The following FARSB variants were observed in gnomAD, a reference collection of about 807,000 sequenced individuals.
FARSB encodes the protein phenylalanyl-tRNA synthetase subunit beta, also known as phenylalanine--tRNA ligase beta subunit.
FARSB carries 40 observed loss-of-function variants against 69.6 expected under a neutral mutation model. The observed-to-expected ratio is 0.57, with a 90% CI of 0.45 to 0.75. The LOEUF is 0.75. Ranked by LOEUF, FARSB falls within the 30% of genes least tolerant of loss-of-function variation. The probability of loss-of-function intolerance (pLI) is 0.00; values close to 1 mark genes in which losing one functional copy is unlikely to be tolerated. For synonymous variants in FARSB, 235 were observed against 247.2 expected (o/e 0.95, Z 0.46); for missense variants, 632 against 722.9 (o/e 0.87, Z 1.44).
chr2:222,619,069 G>A (rs1691071362), intron 14 of FARSB, among the ~76,000 whole-genome samples: 2 of 151,636 alleles, frequency 1.3e-5, no homozygotes, highest in Admixed American at 1.3e-4. Context: ...GTGAACCCGG[G>A]AGGCGGAGCT....
At chr2:222,646,789 C>T (rs112455644) in intron 2 of FARSB, among the ~76,000 whole-genome samples, 1,531 of 152,228 alleles carry the variant, frequency 0.01, 20 homozygotes, top group African/African-American at 0.035. Flanking sequence ...CTTCTTCTGC[C>T]GTATGTTTTA....
intron 16 of FARSB, among the ~76,000 whole-genome samples, chr2:222,573,182 A>C (rs1365552426): frequency 2.0e-5 from 3 of 152,200 alleles, no homozygotes; most frequent in East Asian, 1.9e-4. Flanking sequence ...ACAATTACAT[A>C]TATTTCTTGA....
Position 222,634,547 on chromosome 2 carries a change from T to C in FARSB, c.456-6A>G, listed in dbSNP as rs1691527463. 6 of 1,608,362 alleles carry C rather than the reference T, an allele frequency of 3.7e-6. No individual in the cohort carries two copies. Among genetic ancestry groups the C allele is most frequent in the East Asian group, 2.2e-5 (1 of 44,806 alleles). ...TGGCAACCAGTGCTCTTTTCCTAAT[T>C]GTTGAGAGGTTGAGGGAGAAGGAGG... is the stretch of plus-strand genomic sequence containing the variant. On this transcript the variant is annotated splice_region_variant and splice_polypyrimidine_tract_variant and intron_variant, in intron 5 of 16. Transcript: ENST00000281828.
chr2:222,585,289 A>T (rs1010827473), intron 16 of FARSB, among the ~76,000 whole-genome samples: 1 of 152,240 alleles, frequency 6.6e-6, no homozygotes, highest in Non-Finnish European at 1.5e-5. Flanking sequence ...CCTGAATGTT[A>T]GAAGGAAAAC....
chr2:222,587,667 A>C (rs962828512), intron 16 of FARSB, among the ~76,000 whole-genome samples: 3 of 152,194 alleles, frequency 2.0e-5, no homozygotes, highest in African/African-American at 7.2e-5. Context: ...AAAAAATGAT[A>C]AAGGGGATAT....
chr2:222,571,091 C>T lies in FARSB; in HGVS notation c.*780G>A, dbSNP rs1028653273. ...AGTAGCTCAATTAAGTATTTAAAAC[C>T]ATGATTTTATAACTGACTGATTACA... On this transcript the variant is annotated 3_prime_UTR_variant, in exon 17 of 17. Transcript: ENST00000281828. 6.6e-6 allele frequency: 1 copy of T among 152,118 alleles called. No homozygotes were observed. Among genetic ancestry groups the T allele is most frequent in the Non-Finnish European group, 1.5e-5 (1 of 68,024 alleles). The allele number at this position is 152,118 out of a possible 1,614,324, so 9.4% of individuals were successfully genotyped here.
chr2:222,650,544 G>A (rs1380118009), intron 1 of FARSB, among the ~76,000 whole-genome samples: 6 of 152,180 alleles, frequency 3.9e-5, no homozygotes, highest in Admixed American at 3.9e-4. Flanking sequence ...AATAGGGAGT[G>A]TGTAGAAGGA....
At chr2:222,573,039 T>G (rs1170937088) in intron 16 of FARSB, among the ~76,000 whole-genome samples, 2 of 152,010 alleles carry the variant, frequency 1.3e-5, no homozygotes, top group Non-Finnish European at 2.9e-5. Flanking sequence ...TCAGAGTGAG[T>G]GCATTATTGA....
chr2:222,632,840 CAA>C (rs780438070), intron 7 of FARSB, among the ~76,000 whole-genome samples: 3 of 123,890 alleles, frequency 2.4e-5, no homozygotes, highest in Admixed American at 8.0e-5. Flanking sequence ...ACAACAACAA[CAA>C]AAAAAAAAAA....
At chr2:222,612,528 A>G (rs1386278783) in intron 15 of FARSB, among the ~76,000 whole-genome samples, 1 of 152,230 alleles carries the variant, frequency 6.6e-6, no homozygotes. Context: ...TGGAAAGTTA[A>G]GAATGATATG....
chr2:222,584,980 T>C (rs1690069883), intron 16 of FARSB, among the ~76,000 whole-genome samples: 1 of 152,178 alleles, frequency 6.6e-6, no homozygotes, highest in Non-Finnish European at 1.5e-5. Flanking sequence ...TCTGACAGCT[T>C]TGAAGAGAGT....
At chr2:222,646,157 C>T (rs1691850025) in intron 2 of FARSB, among the ~76,000 whole-genome samples, 2 of 152,126 alleles carry the variant, frequency 1.3e-5, no homozygotes, top group Admixed American at 1.3e-4. Context: ...ACTAGATTAC[C>T]AAATTCTCCA....
At chr2:222,592,578 G>A (rs1308936929) in intron 16 of FARSB, among the ~76,000 whole-genome samples, 2 of 151,278 alleles carry the variant, frequency 1.3e-5, no homozygotes, top group South Asian at 2.1e-4. Context: ...TTCAGGACCC[G>A]GGCCCTTGAA....
intron 15 of FARSB, among the ~76,000 whole-genome samples, chr2:222,613,375 T>C (rs1183232700): frequency 6.6e-6 from 1 of 152,118 alleles, no homozygotes; most frequent in Non-Finnish European, 1.5e-5. Flanking sequence ...TGAAACACCG[T>C]CTCTACTAAA....
At chr2:222,581,421 A>C (rs1288714572) in intron 16 of FARSB, among the ~76,000 whole-genome samples, 1 of 152,246 alleles carries the variant, frequency 6.6e-6, no homozygotes, top group Non-Finnish European at 1.5e-5. Context: ...ATGTTTCTGC[A>C]TCCCCACTGC....
rs144942061 is a variant in FARSB, at chr2:222,599,732, C to T, written c.1618+196G>A. On this transcript the variant is annotated intron_variant, in intron 16 of 16. Coordinates refer to ENST00000281828, the MANE Select transcript of FARSB (RefSeq NM_005687.5). ...ACGAAAGTATACTGTGCAGCACTTA[C>T]GAGAGTTCTGAAAAGTGTTTTCTTA... Among the ~76,000 whole-genome samples the T allele has an allele frequency of 4.3e-3, 647 of 152,194 alleles. 5 individuals carry two copies. The highest frequency in any genetic ancestry group is 0.015 in the African/African-American group (607 of 41,504).
At chr2:222,626,233 G>C (rs1691270711) in intron 10 of FARSB, among the ~76,000 whole-genome samples, 1 of 106,658 alleles carries the variant, frequency 9.4e-6, no homozygotes, top group African/African-American at 3.7e-5. Flanking sequence ...AACAGAGCGA[G>C]ACTCCATCTC....
chr2:222,598,470 C>T (rs1690480598), intron 16 of FARSB, among the ~76,000 whole-genome samples: 1 of 152,194 alleles, frequency 6.6e-6, no homozygotes, highest in Admixed American at 6.5e-5. Context: ...TGCAACCTTT[C>T]AAGTATGAAA....
intron 1 of FARSB, among the ~76,000 whole-genome samples, chr2:222,652,022 C>T (rs1253304733): frequency 6.6e-6 from 1 of 152,182 alleles, no homozygotes; most frequent in Non-Finnish European, 1.5e-5. Context: ...TCCTTTGTGT[C>T]TCCCATTTCC....
Sources: gnomAD v4.1 joint callset for allele counts (sites outside exome capture counted in the v4.1 genomes callset) on GRCh38, gnomAD v4.1.1 for gene constraint, MANE v1.5 for transcripts, NCBI Gene and HGNC (gene_info 2026-07-23, HGNC 2026-07-21) for gene names.